SNRPN: variants seen among roughly 807,000 people sequenced by gnomAD.
SNRPN encodes the protein small nuclear ribonucleoprotein polypeptide N.
SNRPN carries 7 observed loss-of-function variants against 25.2 expected under a neutral mutation model. That is an observed-to-expected ratio of 0.28 (90% CI 0.16 to 0.52). The LOEUF (loss-of-function observed/expected upper bound fraction) is 0.52, where lower values mean the gene tolerates loss of function less well. Among genes scored for constraint, SNRPN ranks in the 20% least tolerant of loss-of-function variants. The pLI is 0.96. For missense variants in SNRPN, 196 were observed against 322.5 expected, an observed-to-expected ratio of 0.61 and a Z score of 3.00; for synonymous variants, 124 against 110.6, an observed-to-expected ratio of 1.12 and a Z score of -0.76.
At chr15:24,934,389 AG>A (rs1222713350) in intron 3 of SNRPN, among the ~76,000 whole-genome samples, 3 of 139,602 alleles carry the variant, frequency 2.1e-5, no homozygotes, top group Admixed American at 1.5e-4. Context: ...CCATAAGTGA[AG>A]TTTTATTGGA....
At chr15:24,834,762 T>TATATAC (rs2050898208) in intron 2 of SNRPN, among the ~76,000 whole-genome samples, 1 of 125,056 alleles carries the variant, frequency 8.0e-6, no homozygotes, top group Non-Finnish European at 1.7e-5. Context: ...TATATATATA[T>TATATAC]ATATATATAT....
upstream of SNRPN, among the ~76,000 whole-genome samples, chr15:24,852,760 A>T (rs907968835): frequency 3.3e-5 from 5 of 151,642 alleles, no homozygotes; most frequent in African/African-American, 1.2e-4. Context: ...CGCTGTTTCT[A>T]AAAAAAATGC....
chr15:24,916,484 C>T (rs934111266), intron 2 of SNRPN, among the ~76,000 whole-genome samples: 1 of 151,854 alleles, frequency 6.6e-6, no homozygotes, highest in Non-Finnish European at 1.5e-5. Context: ...AGCCCAGAAA[C>T]TCAAGTTTTC....
chr15:24,926,201 A>G lies in SNRPN; in HGVS notation c.-391+6077A>G, dbSNP rs367794574. On this transcript the variant is annotated intron_variant, in intron 3 of 11. Coordinates refer to the SNRPN transcript ENST00000400097. ...AAATAGCTACTTTAGATTCTATTGTAAGGATATTTTAATAATTTTCCAACT... is the reference window on the plus strand; with the variant it reads ...AAATAGCTACTTTAGATTCTATTGTGAGGATATTTTAATAATTTTCCAACT... Among the ~76,000 whole-genome samples, 6 of 152,284 alleles carry G rather than the reference A, an allele frequency of 3.9e-5. No homozygotes were observed. In the East Asian group the frequency reaches 9.6e-4, roughly 24 times the overall value.
intron 2 of SNRPN, among the ~76,000 whole-genome samples, 166 bp from the exon 3 acceptor site, chr15:24,967,766 T>G (rs990391725): frequency 6.9e-6 from 1 of 144,934 alleles, no homozygotes; most frequent in Admixed American, 7.0e-5. Flanking sequence ...AGAAATTGCT[T>G]CATTGCACTC....
At chr15:24,889,184 C>T (rs1022880842) in intron 2 of SNRPN, among the ~76,000 whole-genome samples, 2 of 152,160 alleles carry the variant, frequency 1.3e-5, no homozygotes, top group African/African-American at 4.8e-5. Flanking sequence ...TTCCAAAGTG[C>T]TGGGATTACA....
chr15:24,906,423 G>A (rs758052935), intron 2 of SNRPN, among the ~76,000 whole-genome samples: 10 of 152,064 alleles, frequency 6.6e-5, no homozygotes, highest in Non-Finnish European at 8.8e-5. Context: ...ATGAGCCACC[G>A]TACATGGCTG....
At chr15:24,837,370 AT>A (rs34338870) in intron 2 of SNRPN, among the ~76,000 whole-genome samples, 19,551 of 145,954 alleles carry the variant, frequency 0.13, 1,474 homozygotes, top group Non-Finnish European at 0.18. Flanking sequence ...GGGGCTACAG[AT>A]TTTTTTTTTT....
intron 1 of SNRPN, among the ~76,000 whole-genome samples, chr15:24,961,859 A>G (rs1454266577): frequency 2.6e-5 from 4 of 152,106 alleles, no homozygotes; most frequent in Middle Eastern, 3.2e-3. Flanking sequence ...AGGTAGATAT[A>G]TTATTTTAAT....
chr15:24,969,222 A>C (rs555067665), intron 3 of SNRPN, among the ~76,000 whole-genome samples: 3 of 152,178 alleles, frequency 2.0e-5, no homozygotes, highest in African/African-American at 4.8e-5. Flanking sequence ...TCTGCCTCCC[A>C]GGTTCAACTG....
chr15:24,974,857 C>T, intron 4 of SNRPN: 2 of 697,526 alleles, frequency 2.9e-6, no homozygotes, highest in Non-Finnish European at 5.2e-6. Flanking sequence ...AGCCACTGTG[C>T]CTGGCCATGA....
chr15:24,921,393 T>C (rs1335333546), intron 3 of SNRPN: 1 of 152,182 alleles, frequency 6.6e-6, no homozygotes, highest in African/African-American at 2.4e-5. Flanking sequence ...CCTGGAAACA[T>C]GTTTGTCTGC....
chr15:24,965,878 T>C (rs992889643), intron 2 of SNRPN, among the ~76,000 whole-genome samples: 1 of 152,194 alleles, frequency 6.6e-6, no homozygotes, highest in African/African-American at 2.4e-5. Context: ...TATATTTTTT[T>C]TTACTGAAAC....
chr15:24,872,871 CAAAAAAAAAAA>C (rs202062268), intron 1 of SNRPN, among the ~76,000 whole-genome samples: 4,390 of 59,408 alleles, frequency 0.074, 1,180 homozygotes, highest in Middle Eastern at 0.14. Context: ...GACTCCGTCT[CAAAAAAAAAAA>C]AAAAAAAAAA....
chr15:24,974,439 G>A lies in SNRPN; in HGVS notation c.-15G>A. ...AGTTTTAACTGTGGACATTGGATTT[G>A]GTGGAACAGCAATCATGGTAAGCTG... is the stretch of plus-strand genomic sequence containing the variant. On this transcript the variant is annotated 5_prime_UTR_variant, in exon 4 of 10. Transcript: ENST00000390687. The A allele has an allele frequency of 6.2e-7, 1 of 1,613,426 alleles. No individual in the cohort carries two copies. Among genetic ancestry groups the A allele is most frequent in the South Asian group, 1.1e-5 (1 of 91,062 alleles).
chr15:24,844,225 T>C (rs902236091), intron 2 of SNRPN, among the ~76,000 whole-genome samples: 1 of 152,014 alleles, frequency 6.6e-6, no homozygotes, highest in Non-Finnish European at 1.5e-5. Flanking sequence ...AGTAGGGACA[T>C]AGTGGCACCT....
intron 2 of SNRPN, among the ~76,000 whole-genome samples, chr15:24,906,703 AT>A (rs2058828378): frequency 6.6e-6 from 1 of 152,088 alleles, no homozygotes; most frequent in Admixed American, 6.6e-5. Context: ...GAGGTGCCAT[AT>A]TTGGGGGCAT....
chr15:24,939,406 G>A (rs1446451332), intron 3 of SNRPN, among the ~76,000 whole-genome samples: 5 of 152,054 alleles, frequency 3.3e-5, no homozygotes, highest in African/African-American at 4.8e-5. Context: ...TTATTAAGAC[G>A]TTTGCCCATT....
rs1340993280 is a variant in SNRPN at position 24,958,082 on chromosome 15, T to C, written c.-391+3020T>C. On this transcript the variant is annotated intron_variant, in intron 1 of 9. Coordinates refer to ENST00000390687, the MANE Select transcript of SNRPN (RefSeq NM_003097.6). ...TTGGATTTATTCACAGACCTTGCCTTATCTTGATTTCACTATTCTATCTGA... is the reference window on the plus strand; with the variant it reads ...TTGGATTTATTCACAGACCTTGCCTCATCTTGATTTCACTATTCTATCTGA... Among the ~76,000 whole-genome samples, 3 of 152,180 alleles carry C rather than the reference T, an allele frequency of 2.0e-5. No individual in the cohort carries two copies. The East Asian group carries it at 5.8e-4, about 29-fold the overall frequency.
Sources: gnomAD v4.1 joint callset for allele counts (sites outside exome capture counted in the v4.1 genomes callset) on GRCh38, gnomAD v4.1.1 for gene constraint, MANE v1.5 for transcripts, NCBI Gene and HGNC (gene_info 2026-07-23, HGNC 2026-07-21) for gene names.